The following ENOX1 variants were observed in gnomAD, a reference collection of about 807,000 sequenced individuals.
ENOX1 encodes the protein candidate growth-related and time keeping constitutive hydroquinone (NADH) oxidase.
In ENOX1, 42 loss-of-function variants were observed where a neutral mutation model predicts 82.5. That is an observed-to-expected ratio of 0.51 (90% CI 0.40 to 0.66). The LOEUF (loss-of-function observed/expected upper bound fraction) is 0.66. Ranked by LOEUF, ENOX1 falls within the 30% of genes least tolerant of loss-of-function variation. The pLI is 0.00. For missense variants in ENOX1, 608 were observed against 811.6 expected, an observed-to-expected ratio of 0.75 and a Z score of 3.05; for synonymous variants, 271 against 282.2, an observed-to-expected ratio of 0.96 and a Z score of 0.40.
At chr13:43,541,528 A>G (rs563395700) in intron 2 of ENOX1, among the ~76,000 whole-genome samples, 67 of 152,254 alleles carry the variant, frequency 4.4e-4, no homozygotes, top group African/African-American at 1.6e-3. Context: ...AACGATTTCC[A>G]ATAAAACTGA....
Position 43,566,142 on chromosome 13 carries a change from T to C in ENOX1, c.-218-81990A>G, listed in dbSNP as rs191125319. 5.6e-4 allele frequency among the ~76,000 whole-genome samples: 86 copies of C among 152,332 alleles called. 1 individual carries two copies. Among genetic ancestry groups the C allele is most frequent in the Non-Finnish European group, 1.2e-4 (8 of 68,018 alleles). ...CTAAAATTATGCTTTCTTACACAAA[T>C]GTTGAATATAAGTAAGTTGCTCTGG... On this transcript the variant is annotated intron_variant, in intron 2 of 16. Coordinates refer to ENST00000690772, the MANE Select transcript of ENOX1 (RefSeq NM_001347969.2).
intron 1 of ENOX1, among the ~76,000 whole-genome samples, chr13:43,750,321 T>C (rs898598761): frequency 3.3e-5 from 5 of 152,212 alleles, no homozygotes; most frequent in African/African-American, 1.2e-4. Context: ...CCATGCTTTG[T>C]GCCAGTATTA....
intron 12 of ENOX1, among the ~76,000 whole-genome samples, chr13:43,279,525 TC>T (rs535830927): frequency 6.0e-4 from 91 of 152,350 alleles, no homozygotes; most frequent in Non-Finnish European, 1.1e-3. Context: ...ATCTATTTTC[TC>T]TTCTACAGAT....
At chr13:43,653,102 G>T (rs776258595) in intron 2 of ENOX1, among the ~76,000 whole-genome samples, 13 of 152,216 alleles carry the variant, frequency 8.5e-5, no homozygotes, top group African/African-American at 3.1e-4. Flanking sequence ...CGCAGCACAG[G>T]CAGGTCTTCT....
chr13:43,635,497 T>A (rs1027010359), intron 2 of ENOX1, among the ~76,000 whole-genome samples: 1 of 152,202 alleles, frequency 6.6e-6, no homozygotes, highest in African/African-American at 2.4e-5. Flanking sequence ...AATAAATGTA[T>A]GACTTTTTTG....
chr13:43,530,494 A>G (rs1366871926), intron 2 of ENOX1, among the ~76,000 whole-genome samples: 1 of 152,148 alleles, frequency 6.6e-6, no homozygotes, highest in Non-Finnish European at 1.5e-5. Flanking sequence ...GCAGAATGCC[A>G]ACAAGCAGAA....
chr13:43,513,351 G>A (rs1008967878), intron 2 of ENOX1, among the ~76,000 whole-genome samples: 3 of 152,034 alleles, frequency 2.0e-5, no homozygotes, highest in Non-Finnish European at 4.4e-5. Context: ...AACAATGGCT[G>A]GTATGTAGAG....
chr13:43,498,814 C>G (rs1249654668), intron 2 of ENOX1, among the ~76,000 whole-genome samples: 1 of 152,022 alleles, frequency 6.6e-6, no homozygotes, highest in South Asian at 2.1e-4. Context: ...TGGCTTTTAA[C>G]ATGTGTCTAC....
chr13:43,596,169 T>G (rs1002968605), intron 2 of ENOX1, among the ~76,000 whole-genome samples: 1 of 152,252 alleles, frequency 6.6e-6, no homozygotes, highest in Non-Finnish European at 1.5e-5. Context: ...CACATCTGGC[T>G]CTGTCACCAT....
At chr13:43,643,939 T>C (rs2153770398) in intron 2 of ENOX1, among the ~76,000 whole-genome samples, 1 of 152,314 alleles carries the variant, frequency 6.6e-6, no homozygotes, top group African/African-American at 2.4e-5. Flanking sequence ...ATTCTGCTCA[T>C]TGTGCTTTCT....
rs1220177685 is a variant in ENOX1 at position 43,531,917 on chromosome 13, C to A, written c.-218-47765G>T. Among the ~76,000 whole-genome samples, 5 of 139,968 alleles carry A rather than the reference C, an allele frequency of 3.6e-5. No individual in the cohort carries two copies. In the East Asian group the frequency reaches 6.5e-4, roughly 18 times the overall value. The allele number at this position is 139,968 out of a possible 152,430, so 91.8% of individuals were successfully genotyped here. ...AGAAGGGGAACATCACACACTGGGG[C>A]CTGTTGTGGGGTGAGGGGAGGGGGG... On this transcript the variant is annotated intron_variant, in intron 2 of 16. Coordinates refer to ENST00000690772, the MANE Select transcript of ENOX1 (RefSeq NM_001347969.2).
chr13:43,418,509 C>G (rs1169531639), intron 3 of ENOX1, among the ~76,000 whole-genome samples: 1 of 152,120 alleles, frequency 6.6e-6, no homozygotes, highest in Non-Finnish European at 1.5e-5. Context: ...GCCTGGGCAA[C>G]AGCAAGACTC....
intron 2 of ENOX1, among the ~76,000 whole-genome samples, chr13:43,502,130 T>C (rs897358912): frequency 6.6e-6 from 1 of 151,474 alleles, no homozygotes; most frequent in Non-Finnish European, 1.5e-5. Context: ...CTAGGAGAAA[T>C]GAATACATTA....
chr13:43,393,984 C>T (rs866033234), intron 5 of ENOX1, among the ~76,000 whole-genome samples: 1 of 152,254 alleles, frequency 6.6e-6, no homozygotes, highest in Middle Eastern at 3.4e-3. Context: ...TCCTCTCTCT[C>T]TTGTTCCCTC....
At chr13:43,328,131 A>G (rs2048219286) in intron 9 of ENOX1, among the ~76,000 whole-genome samples, 1 of 152,128 alleles carries the variant, frequency 6.6e-6, no homozygotes, top group South Asian at 2.1e-4. Context: ...CAGACTAAAC[A>G]CCTGGGGCTG....
rs1703410306 is a variant in ENOX1 at position 43,287,582 on chromosome 13, TTTTCA to T, written c.1446+10759_1446+10763del. ...ACATTTTCCTTCTACTAGTTCAGTG[TTTTCA>T]TTTCATTATTCATGCCCTTAGGTGG... On this transcript the variant is annotated intron_variant, in intron 12 of 16. Coordinates refer to ENST00000690772, the MANE Select transcript of ENOX1 (RefSeq NM_001347969.2). Among the ~76,000 whole-genome samples, 6 of 152,150 alleles carry T rather than the reference TTTTCA, an allele frequency of 3.9e-5. No homozygotes were observed. In the South Asian group the frequency reaches 1.0e-3, roughly 26 times the overall value.
chr13:43,427,229 C>T (rs184789424), intron 3 of ENOX1, among the ~76,000 whole-genome samples: 1 of 152,142 alleles, frequency 6.6e-6, no homozygotes, highest in African/African-American at 2.4e-5. Context: ...AACACACTCC[C>T]CAGATGGAAC....
At chr13:43,772,216 T>C (rs948355311) in intron 1 of ENOX1, among the ~76,000 whole-genome samples, 1 of 152,182 alleles carries the variant, frequency 6.6e-6, no homozygotes, top group African/African-American at 2.4e-5. Flanking sequence ...TTCATGATAC[T>C]GGCATTATTC....
At chr13:43,296,088 C>T (rs183882597) in intron 12 of ENOX1, among the ~76,000 whole-genome samples, 1 of 152,242 alleles carries the variant, frequency 6.6e-6, no homozygotes, top group East Asian at 1.9e-4. Context: ...TCTATTCATT[C>T]CCTCATTTGA....
Sources: allele counts gnomAD v4.1 joint callset (sites outside exome capture counted in the v4.1 genomes callset), GRCh38; gene constraint gnomAD v4.1.1; transcripts MANE v1.5; gene names NCBI Gene and HGNC (gene_info 2026-07-23, HGNC 2026-07-21).